Variants in GPR160 observed in about 807,000 individuals in gnomAD.
The protein encoded by GPR160 is G protein-coupled receptor 160.
A neutral mutation model predicts 2.6 loss-of-function variants in GPR160; 2 were observed. The observed-to-expected ratio is 0.77, with a 90% CI of 0.32 to 2.44. GPR160 has a LOEUF of 2.44. Among genes scored for constraint, GPR160 ranks in the 30% most tolerant of loss-of-function variants. The pLI is 0.11. For missense variants in GPR160, 351 were observed against 383.6 expected (o/e 0.91, Z 0.71); for synonymous variants, 130 against 132.2 (o/e 0.98, Z 0.12).
intron 2 of GPR160, among the ~76,000 whole-genome samples, chr3:170,068,714 G>A (rs559233059): frequency 6.6e-6 from 1 of 152,038 alleles, no homozygotes; most frequent in Non-Finnish European, 1.5e-5. Context: ...TTCTTGTATG[G>A]ATGCAATATT....
chr3:170,071,594 A>G (rs1173694743), intron 2 of GPR160, among the ~76,000 whole-genome samples: 1 of 152,024 alleles, frequency 6.6e-6, no homozygotes. Flanking sequence ...GGAATTCAAG[A>G]CCAGCTAGCC....
intron 2 of GPR160, among the ~76,000 whole-genome samples, chr3:170,065,174 T>C (rs1291810997): frequency 6.6e-6 from 1 of 152,270 alleles, no homozygotes; most frequent in Non-Finnish European, 1.5e-5. Context: ...AGTTTTATTT[T>C]AAAATAAAAT....
chr3:170,080,654 G>A (rs902418433), intron 3 of GPR160, among the ~76,000 whole-genome samples: 4 of 152,306 alleles, frequency 2.6e-5, no homozygotes, highest in African/African-American at 4.8e-5. Flanking sequence ...CACCTGTCAA[G>A]AGTCAATGAT....
chr3:170,063,949 C>T (rs1712143501), intron 2 of GPR160, among the ~76,000 whole-genome samples: 1 of 152,104 alleles, frequency 6.6e-6, no homozygotes, highest in Non-Finnish European at 1.5e-5. Flanking sequence ...GAGAGTGTGG[C>T]TTGCCTTCCC....
At chr3:170,048,401 C>T (rs1325227048) in intron 2 of GPR160, among the ~76,000 whole-genome samples, 1 of 152,140 alleles carries the variant, frequency 6.6e-6, no homozygotes, top group African/African-American at 2.4e-5. Flanking sequence ...CACTTGTACA[C>T]CTAAAGCTAT....
At position 170,074,623 on chromosome 3, in the gene GPR160, A is replaced by G. The variant is rs1474587150; in HGVS notation, c.-192-5151A>G. ...CAGCCTCCCAAGTAGCTAGGACCAC[A>G]GGTGCCCACCACCACACCCAGCTAA... On this transcript the variant is annotated intron_variant, in intron 2 of 3. Transcript: ENST00000355897. Among the ~76,000 whole-genome samples the G allele has an allele frequency of 2.6e-5, 4 of 152,070 alleles. No homozygotes were observed. In the East Asian group the frequency reaches 7.7e-4, roughly 29 times the overall value.
At chr3:170,047,835 CTTT>C (rs1225615379) in intron 2 of GPR160, among the ~76,000 whole-genome samples, 7 of 125,066 alleles carry the variant, frequency 5.6e-5, no homozygotes, top group Admixed American at 8.1e-5. Flanking sequence ...GGACATTATT[CTTT>C]TTTTTTTTTT....
At position 170,084,431 on chromosome 3, in the gene GPR160, T is replaced by C; in HGVS notation, c.459T>C (p.Tyr153=). 7 of 1,611,350 alleles carry C rather than the reference T, an allele frequency of 4.3e-6. No homozygotes were observed. Among genetic ancestry groups the C allele is most frequent in the African/African-American group, 1.3e-5 (1 of 75,034 alleles). ...VILIWISVLA[Y]VLGDPAIYQS... is the part of the protein sequence containing the mutation. ...TAATTTGGATTTCAGTCCTTGCTTA[T>C]GTTTTGGGAGACCCAGCCATCTACC... Residue 153 remains tyrosine (Y), a synonymous_variant, in exon 4 of 4, where the codon TAT becomes TAC. Coordinates refer to ENST00000355897, the MANE Select transcript of GPR160 (RefSeq NM_014373.3).
At chr3:170,051,285 T>TGATATCAATATAGATCTATATC (rs1192500599) in intron 2 of GPR160, among the ~76,000 whole-genome samples, 14 of 152,356 alleles carry the variant, frequency 9.2e-5, no homozygotes, top group Non-Finnish European at 1.9e-4. Flanking sequence ...TGATCTATAT[T>TGATATCAATATAGATCTATATC]GATATCAATA....
At chr3:170,049,314 T>A (rs763512472) in intron 2 of GPR160, among the ~76,000 whole-genome samples, 1 of 152,258 alleles carries the variant, frequency 6.6e-6, no homozygotes, top group Non-Finnish European at 1.5e-5. Flanking sequence ...TATGACTGTC[T>A]GATAATTCAT....
At chr3:170,083,368 A>G (rs1713235683) in intron 3 of GPR160, 1 of 152,136 alleles carries the variant, frequency 6.6e-6, no homozygotes, top group Non-Finnish European at 1.5e-5. Flanking sequence ...TTTTTAGCTG[A>G]AACCACCTGT....
rs896494640 is a variant in GPR160 at position 170,038,663 on chromosome 3, CGCGCGTGCGT to C, written c.-321-249_-321-240del. On this transcript the variant is annotated intron_variant, in intron 1 of 3. Coordinates refer to ENST00000355897, the MANE Select transcript of GPR160 (RefSeq NM_014373.3). This position sits in a 1 kb window ranked among gnomAD's most constrained non-coding sequence, Gnocchi z 5.3. ...ATAGTCTCACACACACGCGCGCGCG[CGCGCGTGCGT>C]GCATTCATTGGGGCCGACTTTGCCT... The C allele has an allele frequency of 2.0e-5, 3 of 151,962 alleles. No homozygotes were observed. The highest frequency in any genetic ancestry group is 6.5e-5 in the Admixed American group (1 of 15,282). The allele number at this position is 151,962 out of a possible 1,614,324, so 9.4% of individuals were successfully genotyped here. A position where few individuals can be genotyped will look rare whatever the true frequency, so the allele number is the denominator to read the frequency against.
chr3:170,062,985 T>C (rs1385585295), intron 2 of GPR160: 1 of 241,592 alleles, frequency 4.1e-6, no homozygotes, highest in African/African-American at 2.3e-5. Flanking sequence ...TCTCCGTGGA[T>C]CTCCACAGTA....
At chr3:170,068,090 G>A (rs868273367) in intron 2 of GPR160, among the ~76,000 whole-genome samples, 8 of 152,162 alleles carry the variant, frequency 5.3e-5, no homozygotes, top group African/African-American at 1.9e-4. Flanking sequence ...TTGCAAGATG[G>A]TGGAATTCTA....
At chr3:170,064,968 GCTAC>G in intron 2 of GPR160, among the ~76,000 whole-genome samples, 1 of 152,244 alleles carries the variant, frequency 6.6e-6, no homozygotes, top group Non-Finnish European at 1.5e-5. Context: ...TCACAACGGT[GCTAC>G]CTAAGAAAGT....
chr3:170,071,581 T>G (rs1317236768), intron 2 of GPR160, among the ~76,000 whole-genome samples: 1 of 151,886 alleles, frequency 6.6e-6, no homozygotes, highest in African/African-American at 2.4e-5. Flanking sequence ...TCACTTGAGG[T>G]CAGGAATTCA....
At chr3:170,075,143 A>C (rs1712788582) in intron 2 of GPR160, among the ~76,000 whole-genome samples, 2 of 152,160 alleles carry the variant, frequency 1.3e-5, no homozygotes, top group African/African-American at 4.8e-5. Flanking sequence ...CAGGAGAATC[A>C]CTTGAGCCCA....
chr3:170,040,920 A>AT (rs562035335), intron 2 of GPR160, among the ~76,000 whole-genome samples: 397 of 152,162 alleles, frequency 2.6e-3, no homozygotes, highest in South Asian at 0.014. Flanking sequence ...GTGGTAACAC[A>AT]TTTTTTTTAA....
At chr3:170,039,830 T>TA (rs1716372415) in intron 2 of GPR160, among the ~76,000 whole-genome samples, 1 of 152,264 alleles carries the variant, frequency 6.6e-6, no homozygotes, top group African/African-American at 2.4e-5. Flanking sequence ...TTAAGGTTTT[T>TA]AAAATCCCTG....
Sources: gnomAD v4.1 joint callset for allele counts (sites outside exome capture counted in the v4.1 genomes callset) on GRCh38, gnomAD v4.1.1 for gene constraint, Gnocchi (gnomAD v3.1) non-coding constraint, MANE v1.5 for transcripts, NCBI Gene and HGNC (gene_info 2026-07-23, HGNC 2026-07-21) for gene names.